RICTOR: variants seen among roughly 807,000 people sequenced by gnomAD.
RICTOR encodes the protein rapamycin-insensitive companion of mTOR.
Under a neutral mutation model 214.9 loss-of-function variants are expected in RICTOR, and 49 were observed. That is an observed-to-expected ratio of 0.23 (90% confidence interval 0.18 to 0.29). The LOEUF is 0.29. Ranked by LOEUF, RICTOR falls within the 10% of genes least tolerant of loss-of-function variation. The pLI is 1.00. For missense variants in RICTOR, 1,625 were observed against 2,047.0 expected, an observed-to-expected ratio of 0.79 and a Z score of 3.98; for synonymous variants, 717 against 711.3, an observed-to-expected ratio of 1.01 and a Z score of -0.13.
At chr5:39,039,477 A>C (rs1178234416) in intron 2 of RICTOR, among the ~76,000 whole-genome samples, 1 of 152,212 alleles carries the variant, frequency 6.6e-6, no homozygotes, top group Non-Finnish European at 1.5e-5. Context: ...GGATCTAATT[A>C]AACTAAAGAG....
In RICTOR at chr5:38,942,802, G is replaced by C. The variant is rs748429218; in HGVS notation, c.5052+31C>G. 10 of 1,500,670 alleles carry C rather than the reference G, an allele frequency of 6.7e-6. No individual in the cohort carries two copies. In the South Asian group the frequency reaches 1.1e-4, roughly 17 times the overall value. 93.0% of individuals were successfully genotyped at this position (1,500,670 alleles called of 1,614,324 possible). On this transcript the variant is annotated intron_variant, in intron 37 of 37. Transcript: ENST00000357387. ...TTCAAACACAGAATTATTCTTGGAA[G>C]ATAAATTTGAGAAGTACTAATCATA...
intron 9 of RICTOR, 33 bp downstream of exon 9, chr5:38,978,550 T>A (rs367616655): frequency 1.8e-6 from 2 of 1,119,502 alleles, no homozygotes; most frequent in Non-Finnish European, 1.3e-6. Context: ...ATATACATTA[T>A]CTTAAAAATT....
Position 38,959,843 on chromosome 5 carries a change from T to A in RICTOR, c.1987A>T (p.Ile663Phe), listed in dbSNP as rs756521430. ...TGAGGGTGGCAAGAAAGTGTTCCAA[T>A]AAATAAAAAGTAGTGTTGACTAAGG... ...TTLSQHYFLF[I>F]GTLSCHPHGV... The change falls in exon 21 of 38, where the codon ATT (isoleucine) becomes TTT (phenylalanine). Residue 663 changes from isoleucine to phenylalanine, a missense_variant. By Grantham distance (21) the Ile-to-Phe change is conservative (BLOSUM62 0). Transcript: ENST00000357387. 3.7e-6 allele frequency: 6 copies of A among 1,613,500 alleles called. No homozygotes were observed. The highest frequency in any genetic ancestry group is 5.1e-6 in the Non-Finnish European group (6 of 1,179,566).
chr5:38,974,176 A>C (rs919085584), intron 10 of RICTOR, among the ~76,000 whole-genome samples: 1 of 151,802 alleles, frequency 6.6e-6, no homozygotes, highest in Non-Finnish European at 1.5e-5. Context: ...CAGCCTCCCG[A>C]GTAGCTGGGA....
At chr5:39,038,139 T>A (rs1756874182) in intron 2 of RICTOR, among the ~76,000 whole-genome samples, 1 of 152,154 alleles carries the variant, frequency 6.6e-6, no homozygotes, top group Non-Finnish European at 1.5e-5. Context: ...GTGGGCTTCA[T>A]CCCTGGGATG....
intron 12 of RICTOR, 79 bp from the exon 13 acceptor site, chr5:38,967,506 C>A: frequency 9.3e-7 from 1 of 1,076,382 alleles, no homozygotes. Context: ...CATCAGCTAG[C>A]CAGGCTATAA....
At chr5:38,943,127 C>A in intron 36 of RICTOR, 156 bp from the exon 37 acceptor site, 1 of 513,622 alleles carries the variant, frequency 1.9e-6, no homozygotes, top group South Asian at 3.4e-5. Context: ...ATTAAATATT[C>A]CTGTCACACA....
At chr5:39,050,420 T>G (rs1455200195) in intron 2 of RICTOR, among the ~76,000 whole-genome samples, 1 of 152,006 alleles carries the variant, frequency 6.6e-6, no homozygotes, top group Non-Finnish European at 1.5e-5. Context: ...CACTGTAACC[T>G]CCACCTCCTG....
chr5:39,037,246 A>G (rs1300690798), intron 2 of RICTOR, among the ~76,000 whole-genome samples: 1 of 152,230 alleles, frequency 6.6e-6, no homozygotes, highest in Non-Finnish European at 1.5e-5. Flanking sequence ...GAAGGCAGAA[A>G]TAAAGACGTT....
chr5:38,974,175 G>A (rs1010146640), intron 10 of RICTOR, among the ~76,000 whole-genome samples: 6 of 151,710 alleles, frequency 4.0e-5, no homozygotes, highest in African/African-American at 9.7e-5. Context: ...GCAGCCTCCC[G>A]AGTAGCTGGG....
chr5:39,014,753 A>G (rs1004249810), intron 3 of RICTOR, among the ~76,000 whole-genome samples: 1 of 152,146 alleles, frequency 6.6e-6, no homozygotes, highest in Admixed American at 6.5e-5. Flanking sequence ...GAAGGCAAGC[A>G]TGGGTGTGTG....
rs77756526 is a variant in RICTOR, at chr5:38,942,447, A to G, written c.5053-69T>C. The G allele has an allele frequency of 5.2e-3, 4,464 of 850,874 alleles. 206 individuals are homozygous for G. The African/African-American group carries it at 0.07, about 13-fold the overall frequency. The allele number at this position is 850,874 out of a possible 1,614,324, so 52.7% of individuals were successfully genotyped here. On this transcript the variant is annotated intron_variant, in intron 37 of 37. Transcript: ENST00000357387. ...GATGATATAACATATTTATATAAATATCTAATTTTTTTTTTTTTTTGAGAT... is the reference window on the plus strand; with the variant it reads ...GATGATATAACATATTTATATAAATGTCTAATTTTTTTTTTTTTTTGAGAT...
At chr5:38,975,694 T>C in intron 9 of RICTOR, 90 bp from the exon 10 acceptor site, 2 of 895,640 alleles carry the variant, frequency 2.2e-6, no homozygotes, top group Non-Finnish European at 1.8e-6. Flanking sequence ...ATAAGAGCTA[T>C]CACTAATGTT....
intron 2 of RICTOR, among the ~76,000 whole-genome samples, chr5:39,047,215 C>T (rs922341128): frequency 1.3e-5 from 2 of 152,188 alleles, no homozygotes; most frequent in Admixed American, 6.5e-5. Flanking sequence ...GGGACTGGTT[C>T]TGTGGAAGAC....
chr5:38,988,310 T>C (rs921845775), intron 7 of RICTOR, among the ~76,000 whole-genome samples: 1 of 152,186 alleles, frequency 6.6e-6, no homozygotes, highest in African/African-American at 2.4e-5. Context: ...TCTCCCACTA[T>C]TATTGTGTGG....
chr5:39,012,314 A>G (rs2150122764), intron 3 of RICTOR, among the ~76,000 whole-genome samples: 1 of 152,238 alleles, frequency 6.6e-6, no homozygotes, highest in African/African-American at 2.4e-5. Context: ...CCATGTGAAG[A>G]AGGACATGTT....
At chr5:38,952,046 A>C (rs1034399990) in intron 30 of RICTOR, 150 bp downstream of exon 30, 1 of 590,662 alleles carries the variant, frequency 1.7e-6, no homozygotes, top group African/African-American at 1.9e-5. Flanking sequence ...TTTGTTATGA[A>C]AATATACACA....
intron 20 of RICTOR, 44 bp from the exon 21 acceptor site, chr5:38,960,022 A>C: frequency 7.6e-7 from 1 of 1,319,640 alleles, no homozygotes; most frequent in Non-Finnish European, 1.1e-6. Context: ...AGCATTCAAA[A>C]TCTGTAATTA....
At chr5:38,998,652 A>G (rs1397165832) in intron 5 of RICTOR, among the ~76,000 whole-genome samples, 1 of 152,230 alleles carries the variant, frequency 6.6e-6, no homozygotes, top group Non-Finnish European at 1.5e-5. Flanking sequence ...CAAAGTAATT[A>G]TGGTTAATAT....
Sources: allele counts gnomAD v4.1 joint callset (sites outside exome capture counted in the v4.1 genomes callset), GRCh38; gene constraint gnomAD v4.1.1; transcripts MANE v1.5; gene names NCBI Gene and HGNC (gene_info 2026-07-23, HGNC 2026-07-21).